SPG7: variants seen among roughly 807,000 people sequenced by gnomAD.
SPG7 encodes the protein mitochondrial inner membrane m-AAA protease component paraplegin.
Under a neutral mutation model 81.9 loss-of-function variants are expected in SPG7, and 103 were observed. The observed-to-expected ratio is 1.26, with a 90% CI of 1.07 to 1.48. SPG7 has a LOEUF of 1.48. Ranked by LOEUF, SPG7 falls within the 40% of genes most tolerant of loss-of-function variation. The pLI, the probability that SPG7 is intolerant of heterozygous loss-of-function variation, is 0.00. For missense variants in SPG7, 1,241 were observed against 1,087.3 expected, an observed-to-expected ratio of 1.14 and a Z score of -1.99; for synonymous variants, 534 against 444.2, an observed-to-expected ratio of 1.20 and a Z score of -2.54.
rs2058310295 is a variant in SPG7, at chr16:89,529,368, A to G, written c.759-109A>G. The G allele has an allele frequency of 4.0e-6, 3 of 748,732 alleles. No individual in the cohort carries two copies. In the South Asian group the frequency reaches 4.4e-5, roughly 11 times the overall value. The allele number at this position is 748,732 out of a possible 1,614,324, so 46.4% of individuals were successfully genotyped here. A position where few individuals can be genotyped will look rare whatever the true frequency, so the allele number is the denominator to read the frequency against. On this transcript the variant is annotated intron_variant, in intron 5 of 16. Coordinates refer to ENST00000645818, the MANE Select transcript of SPG7 (RefSeq NM_003119.4). ...CTGCGCATCGGTCCCAGACGTAGGG[A>G]TTCCTCGTCTCATCTTGGAAACATT...
chr16:89,513,960 A>G (rs1293089594), intron 3 of SPG7, among the ~76,000 whole-genome samples: 1 of 152,192 alleles, frequency 6.6e-6, no homozygotes, highest in African/African-American at 2.4e-5. Context: ...AGTTTGTTTC[A>G]GGAGTGACGT....
chr16:89,527,206 G>C (rs1198579134), intron 5 of SPG7: 1 of 153,506 alleles, frequency 6.5e-6, no homozygotes, highest in Non-Finnish European at 1.4e-5. Flanking sequence ...TCTGTGCTTG[G>C]TTAAACCTGC....
intron 9 of SPG7, among the ~76,000 whole-genome samples, chr16:89,534,275 G>A (rs780652628): frequency 7.9e-5 from 12 of 152,104 alleles, no homozygotes; most frequent in Non-Finnish European, 1.0e-4. Context: ...TTTGCTATCC[G>A]CCTTCTTTCA....
chr16:89,553,479 G>A, intron 14 of SPG7: 1 of 528,790 alleles, frequency 1.9e-6, no homozygotes, highest in Non-Finnish European at 3.4e-6. Context: ...GGGTCCCGGG[G>A]GCCCCTGGGC....
Position 89,532,543 on chromosome 16 carries a change from G to C in SPG7, c.1231G>C (p.Asp411His), listed in dbSNP as rs745444834. 7 of 1,613,636 alleles carry C rather than the reference G, an allele frequency of 4.3e-6. No individual in the cohort carries two copies. In the African/African-American group the frequency reaches 6.7e-5, roughly 15 times the overall value. The change falls in exon 9 of 17, where the codon GAC becomes CAC. Residue 411 changes from aspartate to histidine, a missense_variant. Transcript: ENST00000645818. ...APCIVYIDEI[D>H]AVGKKRSTTM... ...CTGCATCGTCTACATCGATGAGATC[G>C]ACGCGGTGGGCAAGAAGCGCTCCAC...
In SPG7 at chr16:89,532,537, G is replaced by T; in HGVS notation, c.1225G>T (p.Glu409Ter). The change falls in exon 9 of 17, where the codon GAG becomes TAG. Residue 409 changes from glutamate (E) to a stop codon, truncating the protein, a stop_gained. Transcript: ENST00000645818. LOFTEE classifies it high-confidence loss of function. ...GGCCCCCTGCATCGTCTACATCGAT[G>T]AGATCGACGCGGTGGGCAAGAAGCG... ...ARAPCIVYID[E>*]IDAVGKKRST... 1 of 1,613,756 alleles carries T rather than the reference G, an allele frequency of 6.2e-7. No individual in the cohort carries two copies. Among genetic ancestry groups the T allele is most frequent in the Non-Finnish European group, 8.5e-7 (1 of 1,180,020 alleles).
Position 89,509,136 on chromosome 16 carries a change from G to C in SPG7, c.183+536G>C. 6 of 370,810 alleles carry C rather than the reference G, an allele frequency of 1.6e-5. 1 individual carries two copies. The highest frequency in any genetic ancestry group is 9.7e-5 in the South Asian group (5 of 51,730). 23.0% of individuals were successfully genotyped at this position (370,810 alleles called of 1,614,324 possible). On this transcript the variant is annotated intron_variant, in intron 1 of 16. Coordinates refer to ENST00000645818, the MANE Select transcript of SPG7 (RefSeq NM_003119.4). ...GTAGTGCGGCCTTGTTTCAGGTTCT[G>C]CTAAGGATAGGATAGCATCTCCTCC... is the stretch of plus-strand genomic sequence containing the variant.
chr16:89,546,212 G>T, intron 10 of SPG7: 1 of 307,156 alleles, frequency 3.3e-6, no homozygotes, highest in South Asian at 2.8e-5. Flanking sequence ...TCAGCCTCCC[G>T]AGTAGCTGGG....
chr16:89,515,335 G>A (rs1567898337), intron 3 of SPG7, among the ~76,000 whole-genome samples: 1 of 150,430 alleles, frequency 6.6e-6, no homozygotes, highest in African/African-American at 2.4e-5. Context: ...GTGGTGCGAT[G>A]TCGGCTCAGT....
chr16:89,552,833 G>C, intron 13 of SPG7, 146 bp from the exon 14 acceptor site: 1 of 755,350 alleles, frequency 1.3e-6, no homozygotes, highest in Non-Finnish European at 2.3e-6. Flanking sequence ...TAGAGTGTTA[G>C]GATCCCCTGT....
intron 10 of SPG7, 175 bp downstream of exon 10, chr16:89,544,947 C>T (rs953075241): frequency 3.5e-5 from 25 of 723,616 alleles, no homozygotes; most frequent in Middle Eastern, 3.8e-4. Context: ...CAGACCTGCC[C>T]ACCGGCTGCA....
chr16:89,518,883 C>T (rs1027461838), intron 3 of SPG7: 4 of 152,092 alleles, frequency 2.6e-5, no homozygotes, highest in Admixed American at 6.6e-5. Context: ...CTTGGTGGAC[C>T]GTCGTGGTGG....
At chr16:89,524,953 C>CTTTTT (rs34661848) in intron 4 of SPG7, among the ~76,000 whole-genome samples, 1 of 118,914 alleles carries the variant, frequency 8.4e-6, no homozygotes. Context: ...TTTTCTTTTG[C>CTTTTT]TTTTTTTTTT....
rs1263137427 is a variant in SPG7, at chr16:89,550,282, C to G, written c.1664-212C>G. ...CCGTCTCTCAGGTTCAAGTGATTCTCTTGCCTCAGCCTCCCAAGTAGCTGG... is the reference window on the plus strand; with the variant it reads ...CCGTCTCTCAGGTTCAAGTGATTCTGTTGCCTCAGCCTCCCAAGTAGCTGG... On this transcript the variant is annotated intron_variant, in intron 12 of 16. Transcript: ENST00000645818. 6 of 525,126 alleles carry G rather than the reference C, an allele frequency of 1.1e-5. No homozygotes were observed. The East Asian group carries it at 2.2e-4, about 19-fold the overall frequency. 32.5% of individuals were successfully genotyped at this position (525,126 alleles called of 1,614,324 possible).
chr16:89,533,769 A>T (rs2460455), intron 9 of SPG7: 65,637 of 151,838 alleles, frequency 0.43, 14,765 homozygotes, highest in East Asian at 0.67. Context: ...AATAAAGGTG[A>T]CATGGAATTA....
intron 1 of SPG7, among the ~76,000 whole-genome samples, chr16:89,509,733 G>C (rs2057986774): frequency 6.6e-6 from 1 of 151,460 alleles, no homozygotes; most frequent in African/African-American, 2.4e-5. Context: ...TTCTCCTGCA[G>C]AAGCTTCAGG....
At chr16:89,540,986 A>T (rs1365359183) in intron 9 of SPG7, 2 of 985,328 alleles carry the variant, frequency 2.0e-6, no homozygotes, top group Non-Finnish European at 2.4e-6. Context: ...GTGTATCCTT[A>T]TCACGGCGTT....
intron 3 of SPG7, 40 bp from the exon 4 acceptor site, chr16:89,523,966 C>T (rs748527612): frequency 1.9e-6 from 3 of 1,607,706 alleles, no homozygotes; most frequent in Admixed American, 1.7e-5. Flanking sequence ...GTCTGTTGCT[C>T]ATGTGTTTGT....
chr16:89,554,948 C>T (rs1470381650), intron 16 of SPG7: 1 of 262,290 alleles, frequency 3.8e-6, no homozygotes, highest in African/African-American at 2.3e-5. Flanking sequence ...CAAAGTCTTG[C>T]TCTGTCACCC....
Sources: gnomAD v4.1 joint callset for allele counts (sites outside exome capture counted in the v4.1 genomes callset) on GRCh38, gnomAD v4.1.1 for gene constraint, MANE v1.5 for transcripts, NCBI Gene and HGNC (gene_info 2026-07-23, HGNC 2026-07-21) for gene names.